Variants in NAALADL2 observed in about 807,000 individuals in gnomAD.
NAALADL2 encodes inactive N-acetylated-alpha-linked acidic dipeptidase-like protein 2.
NAALADL2 carries 76 observed loss-of-function variants against 87.2 expected under a neutral mutation model. The ratio of observed to expected loss-of-function variants is 0.87; its 90% confidence interval spans 0.72 to 1.05. The LOEUF is 1.05. Ranked by LOEUF, NAALADL2 falls within the 50% of genes least tolerant of loss-of-function variation. The pLI, the probability that NAALADL2 is intolerant of heterozygous loss-of-function variation, is 0.00. For synonymous variants in NAALADL2, 354 were observed against 331.0 expected (o/e 1.07, Z -0.75); for missense variants, 1,089 against 945.8 (o/e 1.15, Z -1.99).
rs1333289449 is a variant in NAALADL2 at position 175,256,304 on chromosome 3, A to G, written c.820-107A>G. Reference sequence around the variant, plus strand: ...GGGTAAGAGATAGAATTAATTCTATATTGAACATTTCAAATTATGATGAAT... The same window carrying G: ...GGGTAAGAGATAGAATTAATTCTATGTTGAACATTTCAAATTATGATGAAT... On this transcript the variant is annotated intron_variant, in intron 3 of 13. Transcript: ENST00000454872. 2.8e-6 allele frequency: 3 copies of G among 1,054,782 alleles called. No homozygotes were observed. In the East Asian group the frequency reaches 8.1e-5, roughly 29 times the overall value. The allele number at this position is 1,054,782 out of a possible 1,614,324, so 65.3% of individuals were successfully genotyped here.
At chr3:174,930,548 G>T (rs1438606277) in intron 1 of NAALADL2, among the ~76,000 whole-genome samples, 1 of 148,682 alleles carries the variant, frequency 6.7e-6, no homozygotes, top group African/African-American at 2.5e-5. Context: ...AATAGCTTTG[G>T]AAAAGTATAA....
intron 9 of NAALADL2, among the ~76,000 whole-genome samples, chr3:175,529,879 G>A (rs1368445237): frequency 9.2e-5 from 14 of 152,160 alleles, no homozygotes; most frequent in Non-Finnish European, 1.6e-4. Flanking sequence ...GTCTATTCCA[G>A]TGAGGACAAA....
intron 1 of NAALADL2, among the ~76,000 whole-genome samples, chr3:174,455,988 A>G (rs1221871546): frequency 6.6e-6 from 1 of 152,200 alleles, no homozygotes; most frequent in Non-Finnish European, 1.5e-5. Context: ...AAGCTCCTTA[A>G]GCTGATAAAC....
chr3:175,547,731 A>G (rs928780263), intron 9 of NAALADL2, among the ~76,000 whole-genome samples: 13 of 151,972 alleles, frequency 8.6e-5, no homozygotes, highest in African/African-American at 3.1e-4. Context: ...CAACCCATAA[A>G]GTAGTGGGCA....
At chr3:175,181,725 A>ATG (rs1455683068) in intron 2 of NAALADL2, among the ~76,000 whole-genome samples, 12,558 of 60,718 alleles carry the variant, frequency 0.21, 2,909 homozygotes, top group South Asian at 0.26. Flanking sequence ...GTGTATATAT[A>ATG]TGTATATATG....
intron 11 of NAALADL2, among the ~76,000 whole-genome samples, chr3:175,670,990 T>C (rs1733928526): frequency 6.6e-6 from 1 of 151,424 alleles, no homozygotes; most frequent in South Asian, 2.1e-4. Flanking sequence ...TGACCTCAAG[T>C]TGTAAAAAAA....
At position 175,737,405 on chromosome 3, in the gene NAALADL2, T is replaced by A. The variant is rs1319248965; in HGVS notation, c.1990+6T>A. The stretch of plus-strand genomic sequence containing the variant: ...AGTTCAAAACAACCTTAAAGGTAAT[T>A]TTCCTTTGAATTATAGTAATTTTAC... On this transcript the variant is annotated splice_donor_region_variant and intron_variant, in intron 12 of 13. Transcript: ENST00000454872. The A allele has an allele frequency of 6.5e-7, 1 of 1,533,692 alleles. No individual in the cohort carries two copies. Among genetic ancestry groups the A allele is most frequent in the South Asian group, 1.1e-5 (1 of 88,458 alleles).
chr3:175,408,323 A>G (rs1037166113), intron 5 of NAALADL2, among the ~76,000 whole-genome samples: 4 of 152,114 alleles, frequency 2.6e-5, no homozygotes, highest in African/African-American at 9.6e-5. Context: ...TGAATATGTT[A>G]ATTAGCTTGA....
chr3:175,244,706 T>C (rs1207157735), intron 3 of NAALADL2, among the ~76,000 whole-genome samples: 2 of 152,312 alleles, frequency 1.3e-5, no homozygotes, highest in Admixed American at 6.5e-5. Flanking sequence ...ACTATGTACT[T>C]ACTGCCGTCT....
Position 174,726,371 on chromosome 3 carries a change from A to G in NAALADL2, c.-114-11270A>G, listed in dbSNP as rs59580113. 6.6e-3 allele frequency among the ~76,000 whole-genome samples: 1,006 copies of G among 152,326 alleles called. 6 individuals are homozygous for G. The highest frequency in any genetic ancestry group is 0.023 in the African/African-American group (952 of 41,564). On this transcript the variant is annotated intron_variant, in intron 2 of 3. Transcript: ENST00000434257. ...GCAGGTCCAAGAACTACCAGCGGTT[A>G]TGTTACACAGTAACACATGGGCATA...
chr3:175,673,782 A>T (rs1389124324), intron 11 of NAALADL2, among the ~76,000 whole-genome samples: 1 of 152,110 alleles, frequency 6.6e-6, no homozygotes, highest in African/African-American at 2.4e-5. Flanking sequence ...GAATATAAAG[A>T]CTAAAAATTT....
intron 3 of NAALADL2, among the ~76,000 whole-genome samples, chr3:174,844,719 T>A (rs1489648356): frequency 1.3e-5 from 2 of 151,614 alleles, no homozygotes; most frequent in Non-Finnish European, 2.9e-5. Flanking sequence ...CTTCCTTGCT[T>A]ATTTTCTTGA....
chr3:174,528,742 A>T (rs1022343203), intron 1 of NAALADL2, among the ~76,000 whole-genome samples: 1 of 152,226 alleles, frequency 6.6e-6, no homozygotes, highest in African/African-American at 2.4e-5. Flanking sequence ...CACGTCTCAC[A>T]TGGTGGCAGA....
intron 1 of NAALADL2, among the ~76,000 whole-genome samples, chr3:175,046,302 G>A (rs952340270): frequency 1.3e-5 from 2 of 152,244 alleles, no homozygotes; most frequent in Non-Finnish European, 2.9e-5. Flanking sequence ...AGATGCTAGT[G>A]ATGCAATGCT....
chr3:174,946,111 T>A (rs573256594), intron 1 of NAALADL2, among the ~76,000 whole-genome samples: 146 of 151,328 alleles, frequency 9.6e-4, no homozygotes, highest in Middle Eastern at 3.4e-3. Context: ...CCTAATTCTG[T>A]GACTATTCCT....
At chr3:175,697,307 G>T (rs1182430638) in intron 11 of NAALADL2, among the ~76,000 whole-genome samples, 1 of 151,642 alleles carries the variant, frequency 6.6e-6, no homozygotes, top group Non-Finnish European at 1.5e-5. Context: ...AGAGAATCCT[G>T]TTTTCACACA....
chr3:175,726,695 C>T (rs1742968802), intron 11 of NAALADL2, among the ~76,000 whole-genome samples: 2 of 152,080 alleles, frequency 1.3e-5, no homozygotes, highest in Non-Finnish European at 2.9e-5. Context: ...CCTCACCTCT[C>T]AATGAACTAT....
At chr3:174,598,355 C>T (rs1302068122) in intron 2 of NAALADL2, among the ~76,000 whole-genome samples, 1 of 152,008 alleles carries the variant, frequency 6.6e-6, no homozygotes, top group Non-Finnish European at 1.5e-5. Context: ...TACTTAGAGC[C>T]TTTTATATTC....
intron 1 of NAALADL2, among the ~76,000 whole-genome samples, chr3:174,888,211 A>G (rs1730427807): frequency 6.6e-6 from 1 of 152,252 alleles, no homozygotes; most frequent in African/African-American, 2.4e-5. Flanking sequence ...TATCAACAAA[A>G]ACGAGAGCTG....
Sources: gnomAD v4.1 joint callset for allele counts (sites outside exome capture counted in the v4.1 genomes callset) on GRCh38, gnomAD v4.1.1 for gene constraint, MANE v1.5 for transcripts, NCBI Gene and HGNC (gene_info 2026-07-23, HGNC 2026-07-21) for gene names.